CDC14A: variants seen among roughly 807,000 people sequenced by gnomAD.
The protein encoded by CDC14A is cell division cycle 14A, also known as dual specificity protein phosphatase CDC14A.
A neutral mutation model predicts 74.4 loss-of-function variants in CDC14A; 53 were observed. That is an observed-to-expected ratio of 0.71 (90% confidence interval 0.57 to 0.89). The LOEUF (loss-of-function observed/expected upper bound fraction) is 0.89. Ranked by LOEUF, CDC14A falls within the 40% of genes least tolerant of loss-of-function variation. CDC14A has a pLI of 0.00. For synonymous variants in CDC14A, 247 were observed against 258.4 expected, an observed-to-expected ratio of 0.96 and a Z score of 0.43; for missense variants, 646 against 713.7, an observed-to-expected ratio of 0.91 and a Z score of 1.08.
intron 4 of CDC14A, among the ~76,000 whole-genome samples, chr1:100,419,244 G>A (rs1048768382): frequency 6.6e-6 from 1 of 152,120 alleles, no homozygotes; most frequent in African/African-American, 2.4e-5. Context: ...AATCAGTCTG[G>A]GTATTGACTT....
Position 100,462,603 on chromosome 1 carries a change from G to A in CDC14A, c.608-48G>A, listed in dbSNP as rs1667418068. On this transcript the variant is annotated intron_variant, in intron 8 of 15. Transcript: ENST00000336454. The stretch of plus-strand genomic sequence containing the variant: ...TGAGAGTTTTGTATTTCTGGGTTGT[G>A]GAAGATGAAATGCATGCCTTTTGCT... 6 of 1,369,482 alleles carry A rather than the reference G, an allele frequency of 4.4e-6. No homozygotes were observed. The East Asian group carries it at 1.4e-4, about 31-fold the overall frequency. The allele number at this position is 1,369,482 out of a possible 1,614,324, so 84.8% of individuals were successfully genotyped here.
intron 8 of CDC14A, among the ~76,000 whole-genome samples, chr1:100,456,371 CA>C (rs1666686413): frequency 6.6e-6 from 1 of 151,904 alleles, no homozygotes; most frequent in South Asian, 2.1e-4. Context: ...AACAGAGGTT[CA>C]AGAATAATTT....
At chr1:100,494,690 A>C (rs1647512178) in intron 11 of CDC14A, 128 bp from the exon 12 acceptor site, 1 of 549,654 alleles carries the variant, frequency 1.8e-6, no homozygotes, top group African/African-American at 1.9e-5. Context: ...ATGCTGATTC[A>C]CAGTACCTTT....
At chr1:100,382,023 A>C (rs1213135270) in intron 3 of CDC14A, among the ~76,000 whole-genome samples, 3 of 152,106 alleles carry the variant, frequency 2.0e-5, no homozygotes, top group Admixed American at 6.5e-5. Flanking sequence ...AAACCCTTGA[A>C]ATTATACAAT....
chr1:100,348,769 GA>G (rs1186003282), upstream of CDC14A, among the ~76,000 whole-genome samples: 1 of 152,250 alleles, frequency 6.6e-6, no homozygotes, highest in African/African-American at 2.4e-5. Flanking sequence ...GGCAGAATTA[GA>G]ACTAGTGGCT....
intron 7 of CDC14A, among the ~76,000 whole-genome samples, chr1:100,454,078 A>G (rs1252644652): frequency 2.6e-5 from 4 of 152,348 alleles, no homozygotes; most frequent in Non-Finnish European, 5.9e-5. Context: ...TTTATAGCCA[A>G]GTTTTGATTT....
At chr1:100,462,516 CCTCTT>C (rs1222895112) in intron 8 of CDC14A, 130 bp from the exon 9 acceptor site, 2 of 677,022 alleles carry the variant, frequency 3.0e-6, no homozygotes, top group Admixed American at 2.5e-5. Context: ...CTTGCTGTGA[CCTCTT>C]CTCTCACACA....
intron 5 of CDC14A, among the ~76,000 whole-genome samples, chr1:100,431,843 A>T (rs1311402524): frequency 9.6e-6 from 1 of 104,130 alleles, no homozygotes; most frequent in East Asian, 2.2e-4. Context: ...CTCTGAAATT[A>T]AAAAAAAAAA....
In CDC14A at chr1:100,516,366, C is replaced by T. The variant is rs28364916; in HGVS notation, c.1756-1885C>T. 2.9e-3 allele frequency among the ~76,000 whole-genome samples: 447 copies of T among 152,092 alleles called. 1 individual carries two copies. Among genetic ancestry groups the T allele is most frequent in the Admixed American group, 6.5e-3 (100 of 15,288 alleles). ...ATAAAAAAGTTGGTTTAACAAAGGT[C>T]GCTTGTCTAATGTTTATTTGCTACA... On this transcript the variant is annotated intron_variant, in intron 15 of 15. Transcript: ENST00000336454.
At chr1:100,349,335 G>A (rs952375194), upstream of CDC14A, among the ~76,000 whole-genome samples, 3 of 152,070 alleles carry the variant, frequency 2.0e-5, no homozygotes, top group Non-Finnish European at 4.4e-5. Context: ...TATGTGAAAC[G>A]CCTTTATTGT....
Position 100,494,126 on chromosome 1 carries a change from C to T in CDC14A, c.1138-692C>T, listed in dbSNP as rs1647415202. Among the ~76,000 whole-genome samples the T allele has an allele frequency of 1.3e-5, 2 of 152,282 alleles. 1 individual carries two copies. Among genetic ancestry groups the T allele is most frequent in the African/African-American group, 4.8e-5 (2 of 41,548 alleles). On this transcript the variant is annotated intron_variant, in intron 11 of 15. Coordinates refer to ENST00000336454, the MANE Select transcript of CDC14A (RefSeq NM_003672.4). ...AAAGGTCATTAAGAGCTTATGGGAG[C>T]TTGGGCAATATTCCTAACTTCCATG... is the stretch of plus-strand genomic sequence containing the variant.
intron 2 of CDC14A, among the ~76,000 whole-genome samples, chr1:100,359,295 G>A (rs1418421669): frequency 1.3e-5 from 2 of 152,206 alleles, no homozygotes; most frequent in Non-Finnish European, 2.9e-5. Context: ...CTTAACAAAG[G>A]AGGAAGTAGA....
chr1:100,460,588 A>G (rs1463764641), intron 8 of CDC14A, among the ~76,000 whole-genome samples: 2 of 152,160 alleles, frequency 1.3e-5, no homozygotes, highest in African/African-American at 2.4e-5. Context: ...TGCCAACTAC[A>G]GTTCTTTTTT....
At chr1:100,461,613 A>C (rs1483638631) in intron 8 of CDC14A, among the ~76,000 whole-genome samples, 3 of 152,226 alleles carry the variant, frequency 2.0e-5, no homozygotes, top group Non-Finnish European at 4.4e-5. Context: ...AGGCCTGCAA[A>C]GGCCAAAGCC....
In CDC14A at chr1:100,502,445, C is replaced by T. The variant is rs568096425; in HGVS notation, c.1755+3183C>T. On this transcript the variant is annotated intron_variant, in intron 15 of 15. Transcript: ENST00000336454. Reference sequence around the variant, plus strand: ...GCTGTACAGGTTTGCAGCCTAGAAGCAATAGGTTATACCATTTAGCTCAGG... The same window carrying T: ...GCTGTACAGGTTTGCAGCCTAGAAGTAATAGGTTATACCATTTAGCTCAGG... Among the ~76,000 whole-genome samples the T allele has an allele frequency of 9.8e-5, 15 of 152,290 alleles. No homozygotes were observed. In the East Asian group the frequency reaches 2.9e-3, roughly 29 times the overall value.
At chr1:100,491,439 A>G (rs1670603885) in intron 11 of CDC14A, among the ~76,000 whole-genome samples, 1 of 150,482 alleles carries the variant, frequency 6.6e-6, no homozygotes, top group African/African-American at 2.4e-5. Flanking sequence ...AATGACAAAC[A>G]TATGGTAAAC....
chr1:100,499,691 C>T (rs578255048), intron 15 of CDC14A, among the ~76,000 whole-genome samples: 58 of 152,172 alleles, frequency 3.8e-4, no homozygotes, highest in Admixed American at 5.9e-4. Context: ...TGGCTTTTTC[C>T]GCATCATATA....
At chr1:100,426,241 T>C (rs984928205) in intron 5 of CDC14A, among the ~76,000 whole-genome samples, 35 of 152,118 alleles carry the variant, frequency 2.3e-4, no homozygotes, top group African/African-American at 8.0e-4. Context: ...GCCCCCTGAA[T>C]AGCTGGAATT....
rs1226437320 is a variant in CDC14A at position 100,484,281 on chromosome 1, T to C, written c.978-11T>C. The C allele has an allele frequency of 6.6e-7, 1 of 1,507,248 alleles. No homozygotes were observed. The highest frequency in any genetic ancestry group is 2.4e-5 in the Admixed American group (1 of 42,036). The allele number at this position is 1,507,248 out of a possible 1,614,324, so 93.4% of individuals were successfully genotyped here. On this transcript the variant is annotated splice_polypyrimidine_tract_variant and intron_variant, in intron 10 of 15. Transcript: ENST00000336454. ...TTCTTGTCGTTTTGTTTTGTTTTGT[T>C]TTTTATACAGAAAACAAGCATCGTT...
Sources: allele counts gnomAD v4.1 joint callset (sites outside exome capture counted in the v4.1 genomes callset), GRCh38; gene constraint gnomAD v4.1.1; transcripts MANE v1.5; gene names NCBI Gene and HGNC (gene_info 2026-07-23, HGNC 2026-07-21).